LNX1: variants seen among roughly 807,000 people sequenced by gnomAD.
LNX1 encodes E3 ubiquitin-protein ligase LNX.
Under a neutral mutation model 68.4 loss-of-function variants are expected in LNX1, and 54 were observed. That is an observed-to-expected ratio of 0.79 (90% CI 0.63 to 0.99). The LOEUF (loss-of-function observed/expected upper bound fraction) is 0.99. LNX1 is among the 50% of genes least tolerant of loss of function. The pLI is 0.00. For synonymous variants in LNX1, 336 were observed against 350.0 expected (o/e 0.96, Z 0.45); for missense variants, 906 against 926.4 (o/e 0.98, Z 0.29).
At chr4:53,494,722 C>T (rs895049443) in intron 6 of LNX1, among the ~76,000 whole-genome samples, 6 of 152,316 alleles carry the variant, frequency 3.9e-5, no homozygotes, top group Non-Finnish European at 8.8e-5. Flanking sequence ...CTGCATCTAA[C>T]CCAGGGGTAC....
At chr4:53,606,941 A>G (rs2590804) in intron 2 of LNX1, among the ~76,000 whole-genome samples, 64,050 of 152,048 alleles carry the variant, frequency 0.42, 13,466 homozygotes, top group Admixed American at 0.45. Flanking sequence ...CAAACTGGGC[A>G]TTGAAGGAAC....
chr4:53,612,656 CA>C (rs113885098), intron 2 of LNX1, among the ~76,000 whole-genome samples: 16,717 of 151,230 alleles, frequency 0.11, 1,042 homozygotes, highest in Non-Finnish European at 0.15. Flanking sequence ...CCTGTCTCTA[CA>C]AAAAAATACA....
At chr4:53,476,666 G>T in intron 9 of LNX1, 87 bp downstream of exon 9, 1 of 1,104,322 alleles carries the variant, frequency 9.1e-7, no homozygotes, top group Non-Finnish European at 1.4e-6. Flanking sequence ...CTAGTGCCAT[G>T]AATCAGCCCT....
chr4:53,611,526 A>C (rs1733497568), intron 2 of LNX1, among the ~76,000 whole-genome samples: 1 of 152,168 alleles, frequency 6.6e-6, no homozygotes, highest in South Asian at 2.1e-4. Context: ...TATCAAAGAA[A>C]ATACAAGTAA....
chr4:53,574,679 G>T (rs1731374900), intron 1 of LNX1, among the ~76,000 whole-genome samples: 1 of 152,198 alleles, frequency 6.6e-6, no homozygotes, highest in South Asian at 2.1e-4. Context: ...TGGACACTTT[G>T]CCTGGGTTCA....
At chr4:53,556,946 A>T (rs569523220) in intron 2 of LNX1, among the ~76,000 whole-genome samples, 3 of 152,334 alleles carry the variant, frequency 2.0e-5, no homozygotes, top group East Asian at 3.9e-4. Context: ...TAATTTACAC[A>T]TAAGCCAACT....
intron 2 of LNX1, among the ~76,000 whole-genome samples, chr4:53,609,582 T>C (rs1289908583): frequency 6.8e-6 from 1 of 146,234 alleles, no homozygotes; most frequent in Non-Finnish European, 1.5e-5. Context: ...TAATATATAG[T>C]ATATATAATT....
intron 2 of LNX1, among the ~76,000 whole-genome samples, chr4:53,510,010 A>T (rs1726209612): frequency 6.6e-6 from 1 of 152,282 alleles, no homozygotes; most frequent in Non-Finnish European, 1.5e-5. Context: ...TTGATGAAGT[A>T]CATATTCATT....
At chr4:53,558,333 G>C (rs576726848) in intron 2 of LNX1, 1 of 1,014,548 alleles carries the variant, frequency 9.9e-7, no homozygotes, top group Non-Finnish European at 1.2e-6. Flanking sequence ...CAGGCTGGGA[G>C]TTAAAATGTG....
At chr4:53,512,913 C>T (rs1316206501) in intron 2 of LNX1, among the ~76,000 whole-genome samples, 1 of 152,074 alleles carries the variant, frequency 6.6e-6, no homozygotes, top group Non-Finnish European at 1.5e-5. Flanking sequence ...AATGGGCTCT[C>T]CCTGAGCACT....
At chr4:53,533,272 C>A (rs766097670) in intron 2 of LNX1, among the ~76,000 whole-genome samples, 1 of 152,154 alleles carries the variant, frequency 6.6e-6, no homozygotes, top group Non-Finnish European at 1.5e-5. Context: ...ACAAAGGAAC[C>A]AGATTTGCCC....
intron 5 of LNX1, among the ~76,000 whole-genome samples, chr4:53,497,314 C>T (rs17082923): frequency 0.39 from 59,512 of 152,040 alleles, 12,100 homozygotes; most frequent in South Asian, 0.58. Context: ...AAAGAGGCCC[C>T]ATGGAGGAGA....
chr4:53,600,818 G>C (rs964817760), intron 2 of LNX1, among the ~76,000 whole-genome samples: 6 of 149,138 alleles, frequency 4.0e-5, no homozygotes, highest in Non-Finnish European at 4.5e-5. Context: ...GCAACCTCCA[G>C]CTCCTGGGTT....
intron 2 of LNX1, among the ~76,000 whole-genome samples, chr4:53,616,211 A>C (rs1733673122): frequency 6.6e-6 from 1 of 152,112 alleles, no homozygotes; most frequent in Admixed American, 6.5e-5. Context: ...CTAGTTTTCT[A>C]TATATATTGA....
chr4:53,466,699 C>A (rs1024522335), intron 9 of LNX1, among the ~76,000 whole-genome samples: 3 of 152,232 alleles, frequency 2.0e-5, no homozygotes, highest in African/African-American at 4.8e-5. Context: ...TATCCCGCAC[C>A]TGGCTCGGAG....
intron 2 of LNX1, among the ~76,000 whole-genome samples, chr4:53,611,588 G>C (rs1254086349): frequency 6.6e-6 from 1 of 152,236 alleles, no homozygotes; most frequent in Middle Eastern, 3.4e-3. Context: ...CTAGTTACTA[G>C]AACTGTCTAT....
chr4:53,482,023 A>C (rs1349294224), intron 6 of LNX1, among the ~76,000 whole-genome samples, 169 bp from the exon 7 acceptor site: 1 of 152,246 alleles, frequency 6.6e-6, no homozygotes, highest in Non-Finnish European at 1.5e-5. Flanking sequence ...TGCCAAGAGC[A>C]TGAGAGCTCT....
rs1205851604 is a variant in LNX1, at chr4:53,460,107, T to A, written c.*800A>T. ...TTCTAGGAGGCATGTGTACACACAC[T>A]CTTCATTGTGGCACAAATTTAAATC... On this transcript the variant is annotated 3_prime_UTR_variant, in exon 11 of 11. Coordinates refer to ENST00000263925, the MANE Select transcript of LNX1 (RefSeq NM_001126328.3). 14 of 199,468 alleles carry A rather than the reference T, an allele frequency of 7.0e-5. No individual in the cohort carries two copies. The highest frequency in any genetic ancestry group is 1.6e-3 in the Middle Eastern group (1 of 626). 12.4% of individuals were successfully genotyped at this position (199,468 alleles called of 1,614,324 possible).
intron 9 of LNX1, among the ~76,000 whole-genome samples, chr4:53,469,787 C>G (rs183002512): frequency 0.018 from 2,741 of 152,216 alleles, 84 homozygotes; most frequent in African/African-American, 0.063. Context: ...CAAGACTAAA[C>G]CAGGAAGAAG....
Sources: gnomAD v4.1 joint callset for allele counts (sites outside exome capture counted in the v4.1 genomes callset) on GRCh38, gnomAD v4.1.1 for gene constraint, MANE v1.5 for transcripts, NCBI Gene and HGNC (gene_info 2026-07-23, HGNC 2026-07-21) for gene names.